The following CSMD1 variants were observed in gnomAD, a reference collection of about 807,000 sequenced individuals.
The protein encoded by CSMD1 is CUB and Sushi multiple domains 1.
CSMD1 carries 213 observed loss-of-function variants against 417.5 expected under a neutral mutation model. That is an observed-to-expected ratio of 0.51 (90% CI 0.46 to 0.57). CSMD1 has a LOEUF of 0.57. Ranked by LOEUF, CSMD1 falls within the 20% of genes least tolerant of loss-of-function variation. The pLI is 0.00. For synonymous variants in CSMD1, 2,862 were observed against 1,736.8 expected (o/e 1.65, Z -16.11); for missense variants, 6,923 against 4,529.7 (o/e 1.53, Z -15.17).
chr8:4,360,699 T>C (rs1049788999), intron 3 of CSMD1, among the ~76,000 whole-genome samples: 5 of 152,090 alleles, frequency 3.3e-5, no homozygotes, highest in Non-Finnish European at 4.4e-5. Context: ...TTCAACATCT[T>C]AGCCAGGATG....
At chr8:4,173,245 G>A (rs565431127) in intron 3 of CSMD1, among the ~76,000 whole-genome samples, 14 of 152,232 alleles carry the variant, frequency 9.2e-5, no homozygotes, top group African/African-American at 3.1e-4. Context: ...CTTGTCTCAC[G>A]CAACATTTGG....
Position 3,052,481 on chromosome 8 carries a change from C to T in CSMD1, c.7641G>A (p.Gly2547=), listed in dbSNP as rs1208839691. Residue 2547 remains glycine, a synonymous_variant, in exon 50 of 70, where the codon GGG becomes GGA. Transcript: ENST00000635120. ...CQEDGLWSNK[G]KPPTCKPVAC... The stretch of plus-strand genomic sequence containing the variant: ...ACTTACGCTTACACGTGGGCGGCTT[C>T]CCCTTGTTACTCCACAACCCATCTT... 5.7e-6 allele frequency: 9 copies of T among 1,583,714 alleles called. No individual in the cohort carries two copies. Among genetic ancestry groups the T allele is most frequent in the South Asian group, 2.3e-5 (2 of 86,512 alleles).
At chr8:3,589,955 G>C (rs1158662903) in intron 8 of CSMD1, among the ~76,000 whole-genome samples, 2 of 34,916 alleles carry the variant, frequency 5.7e-5, no homozygotes, top group South Asian at 5.2e-4. Flanking sequence ...CCAAAATATA[G>C]GAAATTTCTG....
At chr8:3,726,278 G>A (rs996113098) in intron 6 of CSMD1, among the ~76,000 whole-genome samples, 13 of 152,258 alleles carry the variant, frequency 8.5e-5, no homozygotes, top group East Asian at 1.9e-4. Flanking sequence ...GCTGCACATC[G>A]TCTCCCTTAA....
chr8:4,510,707 C>T (rs145056707), intron 2 of CSMD1, among the ~76,000 whole-genome samples: 54 of 145,114 alleles, frequency 3.7e-4, no homozygotes, highest in African/African-American at 1.3e-3. Flanking sequence ...TCCCTTCCTT[C>T]CCCTTTCCCT....
chr8:3,905,200 G>T (rs1165121917), intron 5 of CSMD1, among the ~76,000 whole-genome samples: 1 of 152,002 alleles, frequency 6.6e-6, no homozygotes, highest in Non-Finnish European at 1.5e-5. Flanking sequence ...TCATATAAAA[G>T]ATAATATTTT....
At chr8:4,954,145 A>C (rs1258627211) in intron 1 of CSMD1, among the ~76,000 whole-genome samples, 1 of 152,204 alleles carries the variant, frequency 6.6e-6, no homozygotes, top group Non-Finnish European at 1.5e-5. Flanking sequence ...GAGTAGGTTC[A>C]AATAAGAACC....
chr8:3,111,729 G>T (rs564542815), intron 42 of CSMD1, among the ~76,000 whole-genome samples: 4 of 152,092 alleles, frequency 2.6e-5, no homozygotes, highest in South Asian at 2.1e-4. Flanking sequence ...GTACTTGGGG[G>T]GTTGAGGCAG....
intron 23 of CSMD1, among the ~76,000 whole-genome samples, chr8:3,309,857 T>G (rs1805189699): frequency 6.6e-6 from 1 of 152,214 alleles, no homozygotes; most frequent in Non-Finnish European, 1.5e-5. Flanking sequence ...GATTGAGATT[T>G]GCAGCTTTGT....
chr8:4,056,771 T>G (rs1042441159), intron 3 of CSMD1, among the ~76,000 whole-genome samples: 3 of 152,026 alleles, frequency 2.0e-5, no homozygotes, highest in African/African-American at 4.8e-5. Context: ...CACCTATGAG[T>G]GAGAACATGC....
intron 5 of CSMD1, among the ~76,000 whole-genome samples, chr8:3,770,648 T>G (rs780936064): frequency 6.6e-5 from 10 of 152,206 alleles, no homozygotes; most frequent in Non-Finnish European, 1.2e-4. Flanking sequence ...TTGTTTTTAG[T>G]GCTTTTTCCC....
chr8:4,519,520 A>G (rs1276617301), intron 2 of CSMD1, among the ~76,000 whole-genome samples: 1 of 151,798 alleles, frequency 6.6e-6, no homozygotes, highest in African/African-American at 2.4e-5. Flanking sequence ...AGGGTGGATC[A>G]TCTGAGGTCA....
At chr8:3,070,432 G>A (rs1813255954) in intron 49 of CSMD1, among the ~76,000 whole-genome samples, 1 of 152,206 alleles carries the variant, frequency 6.6e-6, no homozygotes. Context: ...AACATAGGCT[G>A]TATAAAGCAG....
At chr8:4,088,020 C>A (rs1162475800) in intron 3 of CSMD1, among the ~76,000 whole-genome samples, 2 of 152,126 alleles carry the variant, frequency 1.3e-5, no homozygotes, top group Non-Finnish European at 2.9e-5. Flanking sequence ...AATATCATTT[C>A]TGTGCTAAAT....
chr8:4,067,861 G>T (rs1409705453), intron 3 of CSMD1, among the ~76,000 whole-genome samples: 3 of 152,134 alleles, frequency 2.0e-5, no homozygotes, highest in Admixed American at 2.0e-4. Flanking sequence ...GGCGGATCAT[G>T]AGGTCAAGAG....
intron 23 of CSMD1, among the ~76,000 whole-genome samples, chr8:3,316,956 C>T (rs78094590): frequency 0.02 from 3,038 of 152,166 alleles, 40 homozygotes; most frequent in East Asian, 0.037. Context: ...TGGAAAGGAG[C>T]CTGTGTCAGT....
intron 18 of CSMD1, among the ~76,000 whole-genome samples, chr8:3,383,436 G>C (rs181175429): frequency 3.3e-5 from 5 of 150,918 alleles, no homozygotes; most frequent in African/African-American, 1.2e-4. Flanking sequence ...CATGCATGGA[G>C]GGAAGCCTTC....
chr8:3,881,595 C>G (rs1399947792), intron 5 of CSMD1, among the ~76,000 whole-genome samples: 1 of 122,282 alleles, frequency 8.2e-6, no homozygotes, highest in East Asian at 2.4e-4. Context: ...GGTGACAGAG[C>G]AAGACTCCAT....
At chr8:4,273,503 T>C (rs527417480) in intron 3 of CSMD1, among the ~76,000 whole-genome samples, 130 of 152,272 alleles carry the variant, frequency 8.5e-4, no homozygotes, top group African/African-American at 3.0e-3. Context: ...GAGAGTTAAG[T>C]AGCAAATAAG....
Sources: gnomAD v4.1 joint callset for allele counts (sites outside exome capture counted in the v4.1 genomes callset) on GRCh38, gnomAD v4.1.1 for gene constraint, MANE v1.5 for transcripts, NCBI Gene and HGNC (gene_info 2026-07-23, HGNC 2026-07-21) for gene names.